The following ATE1 variants were observed in gnomAD, a reference collection of about 807,000 sequenced individuals.
ATE1 encodes arginyltransferase 1, also known as arginyl-tRNA--protein transferase 1.
A neutral mutation model predicts 70.5 loss-of-function variants in ATE1; 36 were observed. The observed-to-expected ratio is 0.51, with a 90% CI of 0.39 to 0.67. The LOEUF is 0.67. ATE1 is among the 30% of genes least tolerant of loss of function. ATE1 has a pLI of 0.00. For synonymous variants in ATE1, 232 were observed against 219.3 expected, an observed-to-expected ratio of 1.06 and a Z score of -0.51; for missense variants, 593 against 629.5, an observed-to-expected ratio of 0.94 and a Z score of 0.62.
At chr10:121,831,890 G>C (rs1434512506) in intron 10 of ATE1, among the ~76,000 whole-genome samples, 1 of 152,138 alleles carries the variant, frequency 6.6e-6, no homozygotes, top group Non-Finnish European at 1.5e-5. Flanking sequence ...AAGATCTACA[G>C]TCACAGTAAC....
intron 10 of ATE1, among the ~76,000 whole-genome samples, chr10:121,794,661 T>TAAAAAAA (rs374044559): frequency 1.5e-5 from 1 of 65,716 alleles, no homozygotes; most frequent in African/African-American, 6.4e-5. Flanking sequence ...GAATGTCTGG[T>TAAAAAAA]AAAAAAAAAA....
At chr10:121,753,555 A>G (rs574528698) in intron 11 of ATE1, among the ~76,000 whole-genome samples, 1 of 152,342 alleles carries the variant, frequency 6.6e-6, no homozygotes, top group African/African-American at 2.4e-5. Context: ...GAATGCAAAA[A>G]TCAGGCAATT....
chr10:121,910,010 C>T (rs905111807), intron 5 of ATE1, among the ~76,000 whole-genome samples: 1 of 152,162 alleles, frequency 6.6e-6, no homozygotes, highest in Non-Finnish European at 1.5e-5. Flanking sequence ...CGCCACTTCA[C>T]TCCAGCCTAG....
intron 11 of ATE1, among the ~76,000 whole-genome samples, chr10:121,752,034 A>G (rs1266494523): frequency 6.6e-6 from 1 of 151,492 alleles, no homozygotes; most frequent in Admixed American, 6.6e-5. Flanking sequence ...TCTACTAAAA[A>G]AAATACAAAA....
chr10:121,868,730 A>G (rs1949747247), intron 8 of ATE1, among the ~76,000 whole-genome samples: 1 of 152,058 alleles, frequency 6.6e-6, no homozygotes, highest in Non-Finnish European at 1.5e-5. Context: ...GACTCTTTCC[A>G]CTATACCACT....
At chr10:121,872,105 G>A (rs1949882330) in intron 7 of ATE1, among the ~76,000 whole-genome samples, 1 of 152,182 alleles carries the variant, frequency 6.6e-6, no homozygotes, top group Non-Finnish European at 1.5e-5. Context: ...TTCCCCAAAA[G>A]TGAATGTTAA....
chr10:121,866,057 T>A (rs1949653066), intron 8 of ATE1, among the ~76,000 whole-genome samples: 1 of 152,254 alleles, frequency 6.6e-6, no homozygotes, highest in African/African-American at 2.4e-5. Context: ...ATAGACCATA[T>A]TTGTAATTTT....
intron 10 of ATE1, among the ~76,000 whole-genome samples, chr10:121,794,931 T>G (rs1946603367): frequency 6.6e-6 from 1 of 152,116 alleles, no homozygotes; most frequent in African/African-American, 2.4e-5. Context: ...GTGCCTAGAT[T>G]TAACAACGAT....
In ATE1 at chr10:121,867,618, C is replaced by A. The variant is rs530247887; in HGVS notation, c.975+2388G>T. Reference sequence around the variant, plus strand: ...CAAAAAGCTACCAATGCACCTCTACCCACTGTGGGCCCTTTACTGGAAGAG... The same window carrying A: ...CAAAAAGCTACCAATGCACCTCTACACACTGTGGGCCCTTTACTGGAAGAG... On this transcript the variant is annotated intron_variant, in intron 8 of 11. Coordinates refer to ENST00000224652, the MANE Select transcript of ATE1 (RefSeq NM_001001976.3). 7.9e-5 allele frequency among the ~76,000 whole-genome samples: 12 copies of A among 152,246 alleles called. No individual in the cohort carries two copies. The South Asian group carries it at 2.3e-3, about 29-fold the overall frequency.
At chr10:121,891,456 C>T (rs1181792329) in intron 7 of ATE1, among the ~76,000 whole-genome samples, 1 of 152,140 alleles carries the variant, frequency 6.6e-6, no homozygotes, top group African/African-American at 2.4e-5. Flanking sequence ...CAGCTGCCTG[C>T]ATTTACATAT....
chr10:121,758,818 T>C (rs180941835), intron 11 of ATE1, among the ~76,000 whole-genome samples: 72 of 152,308 alleles, frequency 4.7e-4, no homozygotes, highest in Admixed American at 4.7e-3. Context: ...CTATGATCAG[T>C]AATCAGTGAT....
chr10:121,823,865 A>G (rs1428898131), intron 10 of ATE1, among the ~76,000 whole-genome samples: 2 of 152,192 alleles, frequency 1.3e-5, no homozygotes, highest in Non-Finnish European at 2.9e-5. Context: ...CTTATCATAT[A>G]TCTGATAAGC....
intron 10 of ATE1, among the ~76,000 whole-genome samples, chr10:121,824,952 TAA>T (rs533476524): frequency 1.5e-5 from 2 of 132,996 alleles, no homozygotes. Flanking sequence ...ATGTTTACAG[TAA>T]AAAAAAAAAG....
chr10:121,745,045 G>C (rs1249590017), intron 11 of ATE1, among the ~76,000 whole-genome samples: 4 of 152,164 alleles, frequency 2.6e-5, no homozygotes, highest in Admixed American at 2.0e-4. Context: ...AGGGACCTGG[G>C]CAACTGAGGA....
chr10:121,927,711 G>A (rs1291721880), intron 1 of ATE1, 133 bp downstream of exon 1: 3 of 1,339,792 alleles, frequency 2.2e-6, no homozygotes, highest in South Asian at 1.8e-5. Flanking sequence ...CGGCCCTCCC[G>A]AGAGTGCCCC....
intron 4 of ATE1, among the ~76,000 whole-genome samples, chr10:121,911,474 G>A (rs891831443): frequency 4.0e-5 from 6 of 149,654 alleles, no homozygotes; most frequent in African/African-American, 1.2e-4. Flanking sequence ...AAACTGTGGC[G>A]CCCTAGCAGG....
chr10:121,835,264 G>C (rs1419157041), intron 10 of ATE1, among the ~76,000 whole-genome samples: 4 of 152,072 alleles, frequency 2.6e-5, no homozygotes, highest in African/African-American at 9.7e-5. Context: ...AGGACACCTT[G>C]ATCAGCTTAC....
chr10:121,810,892 G>A (rs553319871), intron 10 of ATE1, among the ~76,000 whole-genome samples: 22 of 152,006 alleles, frequency 1.4e-4, no homozygotes, highest in African/African-American at 5.3e-4. Flanking sequence ...TAATAGAGAC[G>A]GGGTTTCACC....
intron 10 of ATE1, among the ~76,000 whole-genome samples, chr10:121,799,764 A>G (rs1348492720): frequency 6.6e-6 from 1 of 152,228 alleles, no homozygotes; most frequent in Admixed American, 6.5e-5. Flanking sequence ...AAATATTATA[A>G]AACTCATGGT....
Sources: gnomAD v4.1 joint callset for allele counts (sites outside exome capture counted in the v4.1 genomes callset) on GRCh38, gnomAD v4.1.1 for gene constraint, MANE v1.5 for transcripts, NCBI Gene and HGNC (gene_info 2026-07-23, HGNC 2026-07-21) for gene names.